Variants in CNTNAP5 observed in about 807,000 individuals in gnomAD.
CNTNAP5 encodes contactin-associated protein-like 5.
In CNTNAP5, 72 loss-of-function variants were observed where a neutral mutation model predicts 150.2. That is an observed-to-expected ratio of 0.48 (90% CI 0.40 to 0.58). The LOEUF is 0.58. Among genes scored for constraint, CNTNAP5 ranks in the 20% least tolerant of loss-of-function variants. CNTNAP5 has a pLI of 0.00. For synonymous variants in CNTNAP5, 672 were observed against 619.8 expected (o/e 1.08, Z -1.25); for missense variants, 1,636 against 1,626.2 (o/e 1.01, Z -0.10).
At chr2:124,102,969 C>T (rs957566707) in intron 1 of CNTNAP5, among the ~76,000 whole-genome samples, 6 of 152,104 alleles carry the variant, frequency 3.9e-5, no homozygotes, top group African/African-American at 1.4e-4. Flanking sequence ...AAACATAGTT[C>T]AGTCATGCAC....
chr2:124,617,718 AC>A (rs1677520781), intron 12 of CNTNAP5, among the ~76,000 whole-genome samples: 2 of 152,092 alleles, frequency 1.3e-5, no homozygotes, highest in South Asian at 2.1e-4. Context: ...ACAAAATTCA[AC>A]CCTTAATAGT....
At chr2:124,033,441 C>G (rs1201649065) in intron 1 of CNTNAP5, among the ~76,000 whole-genome samples, 1 of 152,030 alleles carries the variant, frequency 6.6e-6, no homozygotes, top group Non-Finnish European at 1.5e-5. Context: ...CTCTGTTTTC[C>G]CCTCCCTCCC....
intron 10 of CNTNAP5, among the ~76,000 whole-genome samples, chr2:124,530,618 A>C (rs1420598743): frequency 6.6e-6 from 1 of 152,188 alleles, no homozygotes; most frequent in Non-Finnish European, 1.5e-5. Context: ...GACTTGGAAG[A>C]ACTGGCCTTG....
At chr2:124,613,277 A>G (rs915117094) in intron 12 of CNTNAP5, among the ~76,000 whole-genome samples, 5 of 152,212 alleles carry the variant, frequency 3.3e-5, no homozygotes, top group African/African-American at 1.2e-4. Flanking sequence ...GAAGAGAGTC[A>G]GGAAGAAGGG....
intron 10 of CNTNAP5, among the ~76,000 whole-genome samples, chr2:124,548,275 G>T (rs188889608): frequency 6.6e-6 from 1 of 152,176 alleles, no homozygotes; most frequent in Non-Finnish European, 1.5e-5. Flanking sequence ...TTGTTGGCCA[G>T]CTGTAGTTTG....
chr2:124,156,947 AGTTAT>A (rs1238000714), intron 1 of CNTNAP5, among the ~76,000 whole-genome samples: 1 of 152,144 alleles, frequency 6.6e-6, no homozygotes. Flanking sequence ...TATCTTGTAG[AGTTAT>A]TATTAAGACC....
At chr2:124,275,408 C>T (rs1021055294) in intron 3 of CNTNAP5, among the ~76,000 whole-genome samples, 2 of 152,144 alleles carry the variant, frequency 1.3e-5, no homozygotes, top group East Asian at 1.9e-4. Context: ...CAATCAGCTA[C>T]AGTCACGTGC....
At chr2:124,714,272 C>T (rs35228331) in intron 13 of CNTNAP5, among the ~76,000 whole-genome samples, 24,730 of 151,744 alleles carry the variant, frequency 0.16, 2,286 homozygotes, top group East Asian at 0.24. Context: ...TGAAAAAATA[C>T]GCAGAATGAC....
intron 3 of CNTNAP5, among the ~76,000 whole-genome samples, chr2:124,255,627 G>A (rs1687294656): frequency 6.6e-6 from 1 of 151,500 alleles, no homozygotes; most frequent in African/African-American, 2.4e-5. Context: ...ATGGGAATAA[G>A]GGATCAAGAA....
intron 1 of CNTNAP5, among the ~76,000 whole-genome samples, chr2:124,065,022 T>C (rs1682119448): frequency 6.6e-6 from 1 of 152,194 alleles, no homozygotes; most frequent in Non-Finnish European, 1.5e-5. Flanking sequence ...TTTATTTTTG[T>C]AGGTCCTCGT....
chr2:124,776,061 T>C (rs565977441), intron 17 of CNTNAP5, among the ~76,000 whole-genome samples: 8 of 152,284 alleles, frequency 5.3e-5, no homozygotes, highest in Admixed American at 3.3e-4. Flanking sequence ...TTCTAAGGCT[T>C]GAAGATCTGC....
intron 3 of CNTNAP5, among the ~76,000 whole-genome samples, chr2:124,387,453 G>T (rs1006821390): frequency 6.6e-6 from 1 of 152,220 alleles, no homozygotes; most frequent in Admixed American, 6.5e-5. Flanking sequence ...GGCTGAATCC[G>T]AAAAGAGAGT....
Position 124,258,863 on chromosome 2 carries a change from C to CTT in CNTNAP5, c.381+16480_381+16481dup, listed in dbSNP as rs35963035. The stretch of plus-strand genomic sequence containing the variant: ...AAGCATGTATTAATATCCAGTAATA[C>CTT]TTTTTTTTTTTACTTTAAGTTTTAG... On this transcript the variant is annotated intron_variant, in intron 3 of 23. Transcript: ENST00000682447. 1.5e-3 allele frequency among the ~76,000 whole-genome samples: 227 copies of CTT among 148,886 alleles called. 2 individuals are homozygous for CTT. Among genetic ancestry groups the CTT allele is most frequent in the African/African-American group, 5.1e-3 (207 of 40,634 alleles).
intron 12 of CNTNAP5, among the ~76,000 whole-genome samples, chr2:124,636,644 G>A (rs918620750): frequency 6.7e-6 from 1 of 149,450 alleles, no homozygotes; most frequent in African/African-American, 2.4e-5. Context: ...TTAACTCTGT[G>A]TGTGTGTGTC....
intron 10 of CNTNAP5, among the ~76,000 whole-genome samples, chr2:124,539,432 G>A (rs751649232): frequency 2.6e-5 from 4 of 152,132 alleles, no homozygotes; most frequent in African/African-American, 7.2e-5. Flanking sequence ...TGAGAAAATC[G>A]ATATTCACAT....
chr2:124,368,311 T>C (rs900183509), intron 3 of CNTNAP5, among the ~76,000 whole-genome samples: 13 of 152,194 alleles, frequency 8.5e-5, no homozygotes, highest in Non-Finnish European at 1.9e-4. Flanking sequence ...ATTCATCTGA[T>C]TGACATACAG....
intron 10 of CNTNAP5, among the ~76,000 whole-genome samples, chr2:124,551,480 G>T (rs2047876): frequency 6.6e-6 from 1 of 151,894 alleles, no homozygotes; most frequent in Non-Finnish European, 1.5e-5. Context: ...AGATCAATGC[G>T]GTTGGCTGCT....
intron 1 of CNTNAP5, among the ~76,000 whole-genome samples, chr2:124,138,081 T>C (rs1684021918): frequency 6.6e-6 from 1 of 152,154 alleles, no homozygotes; most frequent in Admixed American, 6.5e-5. Flanking sequence ...AAGTTAGAGA[T>C]GATCCTTTAC....
intron 7 of CNTNAP5, among the ~76,000 whole-genome samples, chr2:124,487,789 C>G (rs1258671426): frequency 6.6e-6 from 1 of 151,992 alleles, no homozygotes; most frequent in East Asian, 1.9e-4. Context: ...CCAAGAAAAT[C>G]TAGGCTTTTT....
Sources: allele counts gnomAD v4.1 joint callset (sites outside exome capture counted in the v4.1 genomes callset), GRCh38; gene constraint gnomAD v4.1.1; transcripts MANE v1.5; gene names NCBI Gene and HGNC (gene_info 2026-07-23, HGNC 2026-07-21).